The following KCNQ5 variants were observed in gnomAD, a reference collection of about 807,000 sequenced individuals.
KCNQ5 encodes potassium voltage-gated channel subfamily KQT member 5.
In KCNQ5, 30 loss-of-function variants were observed where a neutral mutation model predicts 98.2. That is an observed-to-expected ratio of 0.31 (90% CI 0.23 to 0.41). KCNQ5 has a LOEUF of 0.41. Ranked by LOEUF, KCNQ5 falls within the 10% of genes least tolerant of loss-of-function variation. The pLI is 1.00. For synonymous variants in KCNQ5, 458 were observed against 449.4 expected (o/e 1.02, Z -0.24); for missense variants, 835 against 1,182.5 (o/e 0.71, Z 4.31).
rs566726552 is a variant in KCNQ5, at chr6:73,181,173, G to A, written c.1578-9400G>A. Among the ~76,000 whole-genome samples, 6 of 152,278 alleles carry A rather than the reference G, an allele frequency of 3.9e-5. No individual in the cohort carries two copies. The South Asian group carries it at 1.2e-3, about 32-fold the overall frequency. On this transcript the variant is annotated intron_variant, in intron 11 of 13. Coordinates refer to ENST00000370398, the MANE Select transcript of KCNQ5 (RefSeq NM_019842.4). ...GTATGAGCAGACTTCAGTTTCAAGA[G>A]GAGGTACTAGTTTAGGTTTGTGATG...
intron 11 of KCNQ5, among the ~76,000 whole-genome samples, chr6:73,184,095 A>G (rs181106518): frequency 3.9e-5 from 6 of 152,198 alleles, no homozygotes; most frequent in Non-Finnish European, 7.4e-5. Context: ...TTGTTTTGCT[A>G]TTAGGTCTTT....
At chr6:73,065,849 C>G (rs986547299) in intron 3 of KCNQ5, among the ~76,000 whole-genome samples, 1 of 152,150 alleles carries the variant, frequency 6.6e-6, no homozygotes, top group South Asian at 2.1e-4. Flanking sequence ...TTGAGACAAC[C>G]GAAAATACTA....
chr6:72,984,300 A>G (rs972147526), intron 1 of KCNQ5, among the ~76,000 whole-genome samples: 1 of 152,170 alleles, frequency 6.6e-6, no homozygotes, highest in Non-Finnish European at 1.5e-5. Flanking sequence ...TTGTTCAGCT[A>G]TGCCCTGCCC....
intron 9 of KCNQ5, among the ~76,000 whole-genome samples, chr6:73,125,955 A>G (rs142900724): frequency 1.3e-5 from 2 of 152,328 alleles, no homozygotes; most frequent in Admixed American, 6.5e-5. Flanking sequence ...TAGATTCGGA[A>G]TAGTCTTTGC....
chr6:72,895,947 G>A (rs1404094491), intron 1 of KCNQ5, among the ~76,000 whole-genome samples: 2 of 151,892 alleles, frequency 1.3e-5, no homozygotes, highest in Non-Finnish European at 2.9e-5. Flanking sequence ...AGATGGATTG[G>A]ACAAATTATA....
intron 3 of KCNQ5, among the ~76,000 whole-genome samples, chr6:73,051,705 CAAAAAAAAAAAAAAAAAAAAAAAA>C (rs201199934): frequency 1.0e-5 from 1 of 97,180 alleles, no homozygotes; most frequent in African/African-American, 4.1e-5. Context: ...AAGATAGAGG[CAAAAAAAAAAAAAAAAAAAAAAAA>C]AAAAAAAAAA....
chr6:73,162,287 TA>T (rs1270897371), intron 10 of KCNQ5, among the ~76,000 whole-genome samples: 29 of 152,248 alleles, frequency 1.9e-4, no homozygotes, highest in Admixed American at 1.4e-3. Flanking sequence ...TTAACACTGC[TA>T]ATCAATAGGA....
chr6:72,961,200 A>G (rs1380460012), intron 1 of KCNQ5, among the ~76,000 whole-genome samples: 1 of 152,262 alleles, frequency 6.6e-6, no homozygotes, highest in African/African-American at 2.4e-5. Context: ...CCCTCATTAT[A>G]TACTGTGGAT....
At chr6:72,708,871 G>T (rs1447495409) in intron 1 of KCNQ5, among the ~76,000 whole-genome samples, 1 of 151,916 alleles carries the variant, frequency 6.6e-6, no homozygotes, top group Non-Finnish European at 1.5e-5. Context: ...AATCAAAATG[G>T]CAATAGGTGT....
chr6:72,724,550 T>C (rs10943057), intron 1 of KCNQ5, among the ~76,000 whole-genome samples: 19,585 of 152,224 alleles, frequency 0.13, 1,342 homozygotes, highest in South Asian at 0.18. Context: ...CTTTTTCTAG[T>C]AGCCCAGTGC....
chr6:73,023,032 T>G lies in KCNQ5; in HGVS notation c.490-18904T>G, dbSNP rs369513171. ...TGGTTTTGAGAAAGATAATTTTGAC[T>G]ATGTCTTGAGGAATAACTGGAATGG... On this transcript the variant is annotated intron_variant, in intron 2 of 13. Transcript: ENST00000370398. 3.7e-4 allele frequency among the ~76,000 whole-genome samples: 57 copies of G among 152,306 alleles called. 1 individual carries two copies. The South Asian group carries it at 0.012, about 32-fold the overall frequency.
chr6:73,156,485 C>T (rs2150487389), intron 10 of KCNQ5, among the ~76,000 whole-genome samples: 1 of 152,130 alleles, frequency 6.6e-6, no homozygotes, highest in South Asian at 2.1e-4. Flanking sequence ...AATAGCCAGG[C>T]GTGGTGGTGC....
chr6:72,638,113 CTA>C (rs540372751), intron 1 of KCNQ5, among the ~76,000 whole-genome samples: 25 of 152,164 alleles, frequency 1.6e-4, no homozygotes, highest in Non-Finnish European at 3.4e-4. Flanking sequence ...GGAAAGAAAA[CTA>C]TGTAGTCATC....
chr6:72,732,002 G>C (rs942632275), intron 1 of KCNQ5, among the ~76,000 whole-genome samples: 28 of 152,184 alleles, frequency 1.8e-4, no homozygotes, highest in African/African-American at 6.8e-4. Flanking sequence ...TTGCTGCTTT[G>C]ATTTTGTAGT....
Position 73,197,340 on chromosome 6 carries a change from TA to T in KCNQ5, c.*1929del, listed in dbSNP as rs1392558412. 1 of 152,190 alleles carries T rather than the reference TA, an allele frequency of 6.6e-6. No homozygotes were observed. Among genetic ancestry groups the T allele is most frequent in the Admixed American group, 6.6e-5 (1 of 15,260 alleles). 9.4% of individuals were successfully genotyped at this position (152,190 alleles called of 1,614,324 possible). ...CCCTTTTGATAAACATGGAAATTTT[TA>T]AAGCTTCCTCTTCGCATCCCACTTG... is the stretch of plus-strand genomic sequence containing the variant. On this transcript the variant is annotated 3_prime_UTR_variant, in exon 14 of 14. Coordinates refer to ENST00000370398, the MANE Select transcript of KCNQ5 (RefSeq NM_019842.4).
At chr6:72,687,808 G>T (rs1256220766) in intron 1 of KCNQ5, among the ~76,000 whole-genome samples, 1 of 149,968 alleles carries the variant, frequency 6.7e-6, no homozygotes, top group Non-Finnish European at 1.5e-5. Context: ...GCTCCAGTTT[G>T]CAAAATGCTA....
At chr6:72,720,384 CAAATT>C (rs2154475333) in intron 1 of KCNQ5, among the ~76,000 whole-genome samples, 1 of 152,208 alleles carries the variant, frequency 6.6e-6, no homozygotes, top group African/African-American at 2.4e-5. Context: ...TTGAATCTAC[CAAATT>C]AATTGTTGCC....
intron 1 of KCNQ5, among the ~76,000 whole-genome samples, chr6:72,865,477 C>T (rs1777941790): frequency 6.6e-6 from 1 of 152,144 alleles, no homozygotes; most frequent in Non-Finnish European, 1.5e-5. Flanking sequence ...ATATAATGGT[C>T]CTGTCACCAT....
rs537006506 is a variant in KCNQ5, at chr6:72,622,616, G to A, written c.398+29G>A. 6.8e-6 allele frequency: 11 copies of A among 1,608,548 alleles called. No homozygotes were observed. In the East Asian group the frequency reaches 1.6e-4, roughly 23 times the overall value. ...AGTACCCGCGCCCCCTGCTATGCCC[G>A]CTGCAGGGGACCACTGTCCCTGGCC... On this transcript the variant is annotated intron_variant, in intron 1 of 13. Transcript: ENST00000370398. The surrounding 1 kb of genome is among the most constrained non-coding windows in gnomAD (Gnocchi z 6.0).
Sources: gnomAD v4.1 joint callset for allele counts (sites outside exome capture counted in the v4.1 genomes callset) on GRCh38, gnomAD v4.1.1 for gene constraint, Gnocchi (gnomAD v3.1) non-coding constraint, MANE v1.5 for transcripts, NCBI Gene and HGNC (gene_info 2026-07-23, HGNC 2026-07-21) for gene names.